The following TP63 variants were observed in gnomAD, a reference collection of about 807,000 sequenced individuals.
The protein encoded by TP63 is tumor protein 63.
TP63 carries 17 observed loss-of-function variants against 82.8 expected under a neutral mutation model. The ratio of observed to expected loss-of-function variants is 0.21; its 90% CI spans 0.14 to 0.31. The LOEUF (loss-of-function observed/expected upper bound fraction) is 0.31. Ranked by LOEUF, TP63 falls within the 10% of genes least tolerant of loss-of-function variation. The pLI is 1.00. For missense variants in TP63, 648 were observed against 895.3 expected (o/e 0.72, Z 3.52); for synonymous variants, 330 against 321.7 (o/e 1.03, Z -0.28).
chr3:189,712,345 G>A (rs1348748969), intron 1 of TP63, among the ~76,000 whole-genome samples: 1 of 152,162 alleles, frequency 6.6e-6, no homozygotes, highest in Non-Finnish European at 1.5e-5. Flanking sequence ...GATTAGCTAG[G>A]TTATTAATAA....
intron 1 of TP63, among the ~76,000 whole-genome samples, chr3:189,731,868 G>T (rs2108785109): frequency 6.6e-6 from 1 of 152,300 alleles, no homozygotes; most frequent in Non-Finnish European, 1.5e-5. Context: ...AGACTTGGAA[G>T]ATAGGTAGGA....
At chr3:189,599,510 C>A in the TP63 span, among the ~76,000 whole-genome samples, 3 of 152,166 alleles carry the variant, frequency 2.0e-5, no homozygotes, top group Non-Finnish European at 2.9e-5. Flanking sequence ...TAATAATATT[C>A]TTTCTTACAA....
chr3:189,787,901 C>G (rs1165605053), intron 3 of TP63, among the ~76,000 whole-genome samples: 1 of 151,932 alleles, frequency 6.6e-6, no homozygotes, highest in African/African-American at 2.4e-5. Context: ...GGGCCACGTC[C>G]AGAAATCTGT....
intron 3 of TP63, among the ~76,000 whole-genome samples, chr3:189,801,914 T>A (rs1448225876): frequency 2.0e-5 from 3 of 152,244 alleles, no homozygotes; most frequent in Admixed American, 2.0e-4. Flanking sequence ...ATGAGTGACA[T>A]ATTTTATACC....
chr3:189,676,571 T>C (rs1043106043), intron 1 of TP63, among the ~76,000 whole-genome samples: 4 of 152,060 alleles, frequency 2.6e-5, no homozygotes, highest in Non-Finnish European at 5.9e-5. Context: ...TGTATGTGTG[T>C]GTGTGTATCC....
At chr3:189,706,142 C>T (rs1224256046) in intron 1 of TP63, among the ~76,000 whole-genome samples, 1 of 152,132 alleles carries the variant, frequency 6.6e-6, no homozygotes, top group East Asian at 1.9e-4. Flanking sequence ...ACCAGCCCAC[C>T]CTCCCCTACA....
At chr3:189,669,623 A>C (rs1309842357) in intron 1 of TP63, among the ~76,000 whole-genome samples, 2 of 152,078 alleles carry the variant, frequency 1.3e-5, no homozygotes, top group East Asian at 1.9e-4. Flanking sequence ...AAATAGAACT[A>C]TACCCCATAA....
chr3:189,774,013 C>T (rs1723579454), intron 3 of TP63, among the ~76,000 whole-genome samples: 1 of 150,640 alleles, frequency 6.6e-6, no homozygotes, highest in African/African-American at 2.5e-5. Flanking sequence ...AGCTCCGCCT[C>T]CTGGGTTCAT....
At chr3:189,657,020 C>CA (rs71173299) in intron 1 of TP63, among the ~76,000 whole-genome samples, 2,152 of 143,650 alleles carry the variant, frequency 0.015, 40 homozygotes, top group African/African-American at 0.053. Context: ...ATGAAGCATG[C>CA]AAAAAAAAAA....
At chr3:189,801,972 G>A (rs573079596) in intron 3 of TP63, among the ~76,000 whole-genome samples, 2 of 152,054 alleles carry the variant, frequency 1.3e-5, no homozygotes, top group Admixed American at 6.5e-5. Flanking sequence ...TAAATTCTTC[G>A]GTTGGAAAGA....
chr3:189,603,952 C>T, the TP63 span, among the ~76,000 whole-genome samples: 28 of 152,030 alleles, frequency 1.8e-4, no homozygotes, highest in African/African-American at 6.8e-4. Context: ...GTTAACACTC[C>T]AGCCAAGTTT....
intron 1 of TP63, among the ~76,000 whole-genome samples, chr3:189,637,188 T>C (rs1408240802): frequency 6.6e-6 from 1 of 152,044 alleles, no homozygotes; most frequent in East Asian, 1.9e-4. Flanking sequence ...ACCTGGAACA[T>C]CCATGTAGAC....
intron 1 of TP63, among the ~76,000 whole-genome samples, chr3:189,662,256 A>G (rs369906350): frequency 1.3e-5 from 2 of 152,074 alleles, no homozygotes; most frequent in East Asian, 3.9e-4. Flanking sequence ...CGATTTTGGT[A>G]TGCAGTGTTT....
intron 3 of TP63, among the ~76,000 whole-genome samples, chr3:189,783,212 G>A (rs376452216): frequency 4.0e-5 from 6 of 151,664 alleles, no homozygotes; most frequent in South Asian, 2.1e-4. Context: ...AACTGAGAAC[G>A]TACTCATTTT....
chr3:189,869,869 A>G (rs1391589758), intron 9 of TP63, among the ~76,000 whole-genome samples: 6 of 152,160 alleles, frequency 3.9e-5, no homozygotes, highest in East Asian at 1.9e-4. Context: ...CCTTCAGTCC[A>G]TAATGGGGAA....
intron 10 of TP63, among the ~76,000 whole-genome samples, chr3:189,878,343 C>T (rs1719469806): frequency 6.7e-6 from 1 of 150,032 alleles, no homozygotes; most frequent in African/African-American, 2.4e-5. Flanking sequence ...ATATGATTCA[C>T]CCTTATAGTT....
chr3:189,749,347 A>G (rs1364295079), intron 3 of TP63, among the ~76,000 whole-genome samples: 2 of 152,178 alleles, frequency 1.3e-5, no homozygotes, highest in African/African-American at 2.4e-5. Flanking sequence ...TAAAAAAATA[A>G]ATAATCCCGT....
chr3:189,811,653 T>C (rs925215256), intron 4 of TP63, among the ~76,000 whole-genome samples: 2 of 152,216 alleles, frequency 1.3e-5, no homozygotes, highest in Non-Finnish European at 2.9e-5. Context: ...AAAAGTATTT[T>C]TTCATATATT....
intron 1 of TP63, among the ~76,000 whole-genome samples, chr3:189,652,644 C>T (rs911017604): frequency 3.4e-5 from 5 of 146,298 alleles, no homozygotes; most frequent in Admixed American, 6.7e-5. Flanking sequence ...TGGAGGGGCA[C>T]AGTGCAGAAT....
Sources: allele counts gnomAD v4.1 joint callset (sites outside exome capture counted in the v4.1 genomes callset), GRCh38; gene constraint gnomAD v4.1.1; transcripts MANE v1.5; gene names NCBI Gene and HGNC (gene_info 2026-07-23, HGNC 2026-07-21).